ATRNL1: variants seen among roughly 807,000 people sequenced by gnomAD.
ATRNL1 encodes attractin-like protein 1.
ATRNL1 carries 95 observed loss-of-function variants against 182.7 expected under a neutral mutation model. The observed-to-expected ratio is 0.52, with a 90% CI of 0.44 to 0.62. The LOEUF (loss-of-function observed/expected upper bound fraction) is 0.62, where lower values mean the gene tolerates loss of function less well. Ranked by LOEUF, ATRNL1 falls within the 20% of genes least tolerant of loss-of-function variation. ATRNL1 has a pLI of 0.00. For missense variants in ATRNL1, 1,471 were observed against 1,679.5 expected (o/e 0.88, Z 2.17); for synonymous variants, 576 against 568.3 (o/e 1.01, Z -0.19).
At chr10:115,270,451 G>GTATA (rs568403789) in intron 13 of ATRNL1, among the ~76,000 whole-genome samples, 1 of 143,742 alleles carries the variant, frequency 7.0e-6, no homozygotes, top group African/African-American at 2.5e-5. Flanking sequence ...TAATATATGT[G>GTATA]TATATATATA....
chr10:115,620,262 T>C (rs1001957930), intron 26 of ATRNL1, among the ~76,000 whole-genome samples: 1 of 152,126 alleles, frequency 6.6e-6, no homozygotes, highest in African/African-American at 2.4e-5. Context: ...ACAGATCTCA[T>C]GGTAACTCAT....
At chr10:115,529,594 T>C (rs1851444345) in intron 25 of ATRNL1, among the ~76,000 whole-genome samples, 2 of 151,980 alleles carry the variant, frequency 1.3e-5, no homozygotes. Context: ...TGATTACTCT[T>C]AAATTTTAAC....
chr10:115,812,774 G>T (rs1217470941), intron 27 of ATRNL1, among the ~76,000 whole-genome samples: 2 of 151,946 alleles, frequency 1.3e-5, no homozygotes, highest in African/African-American at 4.8e-5. Context: ...ACCGTGCCTG[G>T]CCTTTCCCCT....
At chr10:115,403,493 T>C (rs2134311093) in intron 20 of ATRNL1, among the ~76,000 whole-genome samples, 1 of 152,184 alleles carries the variant, frequency 6.6e-6, no homozygotes, top group South Asian at 2.1e-4. Context: ...TCTAGCTCTG[T>C]CCCCCAGACT....
At chr10:115,622,220 T>G (rs915744654) in intron 26 of ATRNL1, among the ~76,000 whole-genome samples, 9 of 152,160 alleles carry the variant, frequency 5.9e-5, no homozygotes, top group African/African-American at 2.2e-4. Flanking sequence ...CATAGACCTA[T>G]CCAAAGAGAT....
chr10:115,590,357 G>A (rs1855830415), intron 26 of ATRNL1, among the ~76,000 whole-genome samples: 1 of 152,048 alleles, frequency 6.6e-6, no homozygotes, highest in Non-Finnish European at 1.5e-5. Context: ...TTCTTTGGCA[G>A]TTTGCTTTCT....
chr10:115,359,782 G>C (rs1174537720), intron 19 of ATRNL1, among the ~76,000 whole-genome samples: 1 of 151,360 alleles, frequency 6.6e-6, no homozygotes, highest in Non-Finnish European at 1.5e-5. Flanking sequence ...TGACTTTTCA[G>C]AGCTTAACTA....
chr10:115,591,888 A>G (rs986998495), intron 26 of ATRNL1, among the ~76,000 whole-genome samples: 2 of 152,222 alleles, frequency 1.3e-5, no homozygotes, highest in African/African-American at 4.8e-5. Context: ...TCATCACAGT[A>G]CTATTCACAA....
chr10:115,146,199 A>G (rs1332186475), intron 5 of ATRNL1, among the ~76,000 whole-genome samples: 8 of 152,144 alleles, frequency 5.3e-5, no homozygotes, highest in African/African-American at 1.9e-4. Flanking sequence ...TTAAACATGT[A>G]CCACTTCAAC....
At position 115,291,274 on chromosome 10, in the gene ATRNL1, T is replaced by A. The variant is rs535109199; in HGVS notation, c.2415+4877T>A. Among the ~76,000 whole-genome samples the A allele has an allele frequency of 2.0e-5, 3 of 152,310 alleles. No homozygotes were observed. In the East Asian group the frequency reaches 5.8e-4, roughly 29 times the overall value. ...ATCTACAAACAGGGACACTTTGACT[T>A]CTTCTGTTTCAATTTGGATGTCTTT... On this transcript the variant is annotated intron_variant, in intron 15 of 28. Transcript: ENST00000355044.
intron 26 of ATRNL1, among the ~76,000 whole-genome samples, chr10:115,689,908 A>T (rs991367801): frequency 1.3e-5 from 2 of 152,118 alleles, no homozygotes; most frequent in Admixed American, 6.5e-5. Flanking sequence ...GCCTCTGTTC[A>T]TGCACCTCAG....
chr10:115,208,423 A>G (rs573290130), intron 8 of ATRNL1, among the ~76,000 whole-genome samples: 16 of 152,008 alleles, frequency 1.1e-4, no homozygotes, highest in African/African-American at 3.4e-4. Flanking sequence ...CTTATTGGCT[A>G]TTAGATTTTG....
At chr10:115,373,538 C>T (rs7896852) in intron 19 of ATRNL1, among the ~76,000 whole-genome samples, 1,965 of 151,964 alleles carry the variant, frequency 0.013, 37 homozygotes, top group African/African-American at 0.044. Context: ...ACATTCAATA[C>T]TTAATTTGTT....
At chr10:115,580,010 C>A (rs1012568174) in intron 26 of ATRNL1, among the ~76,000 whole-genome samples, 4 of 152,100 alleles carry the variant, frequency 2.6e-5, no homozygotes, top group African/African-American at 9.6e-5. Context: ...TTCCTCTCCT[C>A]ACATTATACA....
intron 20 of ATRNL1, among the ~76,000 whole-genome samples, chr10:115,405,501 G>A (rs1459491815): frequency 6.6e-6 from 1 of 151,996 alleles, no homozygotes; most frequent in African/African-American, 2.4e-5. Flanking sequence ...TTTTTGTCTT[G>A]TTTTGGCAAT....
At chr10:115,144,151 T>C (rs1294864942) in intron 5 of ATRNL1, among the ~76,000 whole-genome samples, 1 of 151,772 alleles carries the variant, frequency 6.6e-6, no homozygotes, top group Admixed American at 6.6e-5. Flanking sequence ...GCTAAGTTTT[T>C]GTATTTTTTT....
chr10:115,796,342 C>A (rs1172901969), intron 27 of ATRNL1, among the ~76,000 whole-genome samples: 1 of 152,062 alleles, frequency 6.6e-6, no homozygotes, highest in Admixed American at 6.5e-5. Flanking sequence ...GTTTCCCCTT[C>A]CCACCTAATC....
chr10:115,458,915 A>T (rs1488986278), intron 21 of ATRNL1, among the ~76,000 whole-genome samples: 1 of 152,110 alleles, frequency 6.6e-6, no homozygotes, highest in Non-Finnish European at 1.5e-5. Flanking sequence ...GAAGTCAGGG[A>T]CCCCAAATGG....
At chr10:115,257,137 T>C (rs1851180309) in intron 10 of ATRNL1, among the ~76,000 whole-genome samples, 1 of 152,206 alleles carries the variant, frequency 6.6e-6, no homozygotes, top group African/African-American at 2.4e-5. Flanking sequence ...TCTGTAGATG[T>C]CTTTTAGGTT....
Sources: gnomAD v4.1 joint callset for allele counts (sites outside exome capture counted in the v4.1 genomes callset) on GRCh38, gnomAD v4.1.1 for gene constraint, MANE v1.5 for transcripts, NCBI Gene and HGNC (gene_info 2026-07-23, HGNC 2026-07-21) for gene names.